ZBTB20: variants seen among roughly 807,000 people sequenced by gnomAD.
ZBTB20 encodes the protein zinc finger and BTB domain containing 20.
A neutral mutation model predicts 56.9 loss-of-function variants in ZBTB20; 9 were observed. That is an observed-to-expected ratio of 0.16 (90% CI 0.10 to 0.28). The LOEUF is 0.28. ZBTB20 is among the 10% of genes least tolerant of loss of function. ZBTB20 has a pLI of 1.00. For synonymous variants in ZBTB20, 417 were observed against 420.7 expected (o/e 0.99, Z 0.11); for missense variants, 655 against 1,003.0 (o/e 0.65, Z 4.69).
intron 7 of ZBTB20, among the ~76,000 whole-genome samples, chr3:114,458,511 A>T (rs1210962258): frequency 2.6e-5 from 4 of 152,026 alleles, no homozygotes; most frequent in African/African-American, 9.7e-5. Flanking sequence ...TTCCAATCAC[A>T]TTTTTTTCTC....
chr3:114,526,816 A>C (rs1468825797), intron 6 of ZBTB20, among the ~76,000 whole-genome samples: 1 of 152,184 alleles, frequency 6.6e-6, no homozygotes, highest in Non-Finnish European at 1.5e-5. Context: ...ATCAGTGCAA[A>C]AGCAGCAAAA....
intron 7 of ZBTB20, among the ~76,000 whole-genome samples, chr3:114,414,433 C>T (rs988590756): frequency 2.0e-5 from 3 of 151,964 alleles, no homozygotes; most frequent in South Asian, 2.1e-4. Flanking sequence ...GTTTACTTTC[C>T]CAGACTCTAA....
chr3:114,804,696 C>A (rs1033795361), intron 4 of ZBTB20, among the ~76,000 whole-genome samples: 2 of 151,790 alleles, frequency 1.3e-5, no homozygotes, highest in African/African-American at 2.4e-5. Flanking sequence ...AAAATGAACT[C>A]TCCAGTACCC....
At chr3:114,983,101 C>T (rs1289760733) in intron 2 of ZBTB20, among the ~76,000 whole-genome samples, 2 of 151,818 alleles carry the variant, frequency 1.3e-5, no homozygotes, top group Non-Finnish European at 2.9e-5. Context: ...ATTATATATC[C>T]TAATTCCAAA....
At chr3:114,355,183 C>G (rs1039545952) in intron 10 of ZBTB20, among the ~76,000 whole-genome samples, 1 of 151,902 alleles carries the variant, frequency 6.6e-6, no homozygotes, top group African/African-American at 2.4e-5. Context: ...ACACACAATT[C>G]CATGAGAAAA....
chr3:114,452,090 G>A (rs2091655077), intron 7 of ZBTB20, among the ~76,000 whole-genome samples: 1 of 151,816 alleles, frequency 6.6e-6, no homozygotes, highest in Non-Finnish European at 1.5e-5. Flanking sequence ...AAAAAAAGGG[G>A]GGGTACCAAA....
In ZBTB20 at chr3:114,946,156, A is replaced by C. The variant is rs1484809606; in HGVS notation, c.-456+28210T>G. 3.4e-5 allele frequency among the ~76,000 whole-genome samples: 5 copies of C among 145,842 alleles called. 1 individual carries two copies. The highest frequency in any genetic ancestry group is 1.4e-4 in the African/African-American group (5 of 36,068). On this transcript the variant is annotated intron_variant, in intron 3 of 11. Transcript: ENST00000675478. ...AAAGTTTTGAACACCAAGATTTAGC[A>C]AATTTGATCTAATTTATATGTACAG...
chr3:114,688,626 T>C (rs2062499418), intron 6 of ZBTB20, among the ~76,000 whole-genome samples: 1 of 152,154 alleles, frequency 6.6e-6, no homozygotes, highest in Non-Finnish European at 1.5e-5. Flanking sequence ...ATGTGCAATG[T>C]GTACAGCAAC....
intron 4 of ZBTB20, among the ~76,000 whole-genome samples, chr3:114,847,334 C>T (rs1031599407): frequency 6.6e-6 from 1 of 151,814 alleles, no homozygotes; most frequent in Non-Finnish European, 1.5e-5. Context: ...ACCCTCCCCA[C>T]CTAACACTAC....
At chr3:114,759,961 T>A (rs2068316965) in intron 5 of ZBTB20, among the ~76,000 whole-genome samples, 1 of 152,140 alleles carries the variant, frequency 6.6e-6, no homozygotes, top group Admixed American at 6.6e-5. Context: ...ACAACACACT[T>A]GAGTCCATTA....
In ZBTB20 at chr3:114,612,939, AAATAT is replaced by A. The variant is rs534824615; in HGVS notation, c.-295+80584_-295+80588del. 3.2e-3 allele frequency among the ~76,000 whole-genome samples: 485 copies of A among 152,368 alleles called. 4 individuals carry two copies. Among genetic ancestry groups the A allele is most frequent in the African/African-American group, 0.011 (451 of 41,604 alleles). On this transcript the variant is annotated intron_variant, in intron 6 of 11. Coordinates refer to ENST00000675478, the MANE Select transcript of ZBTB20 (RefSeq NM_001348800.3). ...TTATTGATATATGTGTATTTTCTTA[AAATAT>A]AATAAATATAGAAAAGGGTTTGTGA... is the stretch of plus-strand genomic sequence containing the variant.
chr3:114,889,732 A>G (rs2076733388), intron 4 of ZBTB20, among the ~76,000 whole-genome samples: 1 of 152,158 alleles, frequency 6.6e-6, no homozygotes, highest in Non-Finnish European at 1.5e-5. Flanking sequence ...AACAGTAAAT[A>G]TTAGCCATGA....
At chr3:114,711,109 T>C (rs533983480) in intron 5 of ZBTB20, among the ~76,000 whole-genome samples, 1 of 152,322 alleles carries the variant, frequency 6.6e-6, no homozygotes, top group South Asian at 2.1e-4. Flanking sequence ...CTATTTCAAA[T>C]AGCACTTTCT....
intron 3 of ZBTB20, among the ~76,000 whole-genome samples, chr3:114,953,518 T>A (rs1173228217): frequency 1.3e-5 from 2 of 151,928 alleles, no homozygotes; most frequent in Non-Finnish European, 2.9e-5. Context: ...TGAAGAAAAG[T>A]GTACGTGCTG....
At chr3:114,748,015 T>C (rs897705940) in intron 5 of ZBTB20, among the ~76,000 whole-genome samples, 1 of 151,590 alleles carries the variant, frequency 6.6e-6, no homozygotes, top group South Asian at 2.1e-4. Context: ...TATTGAATTT[T>C]CAAAAAGTGA....
At position 114,322,697 on chromosome 3, in the gene ZBTB20, GTT is replaced by G. The variant is rs2078936234; in HGVS notation, c.*16306_*16307del. ...GTACCTGTTAAAAGCTCTGGATTTA[GTT>G]TCTTACTTAAAACAGAGATAATGCT... is the stretch of plus-strand genomic sequence containing the variant. On this transcript the variant is annotated 3_prime_UTR_variant, in exon 12 of 12. Transcript: ENST00000675478. 6.6e-6 allele frequency: 1 copy of G among 152,172 alleles called. No homozygotes were observed. The highest frequency in any genetic ancestry group is 6.5e-5 in the Admixed American group (1 of 15,274). The allele number at this position is 152,172 out of a possible 1,614,324, so 9.4% of individuals were successfully genotyped here. A position where few individuals can be genotyped will look rare whatever the true frequency, so the allele number is the denominator to read the frequency against.
intron 6 of ZBTB20, among the ~76,000 whole-genome samples, chr3:114,511,715 A>G (rs1036494858): frequency 2.6e-5 from 4 of 152,078 alleles, no homozygotes; most frequent in Non-Finnish European, 4.4e-5. Flanking sequence ...TGGAGACCTT[A>G]TAGATAAGTT....
chr3:114,758,744 C>T (rs2068205685), intron 5 of ZBTB20, among the ~76,000 whole-genome samples: 3 of 152,130 alleles, frequency 2.0e-5, no homozygotes, highest in Non-Finnish European at 1.5e-5. Context: ...AAATGCAGCA[C>T]TGAAACTAAA....
intron 6 of ZBTB20, among the ~76,000 whole-genome samples, chr3:114,584,884 G>A (rs570552907): frequency 9.2e-5 from 14 of 152,196 alleles, no homozygotes; most frequent in African/African-American, 3.4e-4. Flanking sequence ...GACCTGAAGC[G>A]TCTAGAAAGA....
Sources: gnomAD v4.1 joint callset for allele counts (sites outside exome capture counted in the v4.1 genomes callset) on GRCh38, gnomAD v4.1.1 for gene constraint, MANE v1.5 for transcripts, NCBI Gene and HGNC (gene_info 2026-07-23, HGNC 2026-07-21) for gene names.